Variants in PTGER3 observed in about 807,000 individuals in gnomAD.
PTGER3 encodes prostaglandin E receptor 3.
Under a neutral mutation model 34.7 loss-of-function variants are expected in PTGER3, and 22 were observed. That is an observed-to-expected ratio of 0.63 (90% confidence interval 0.45 to 0.91). PTGER3 has a LOEUF of 0.91. Ranked by LOEUF, PTGER3 falls within the 40% of genes least tolerant of loss-of-function variation. The probability of loss-of-function intolerance (pLI) is 0.00; values close to 1 mark genes in which losing one functional copy is unlikely to be tolerated. For missense variants in PTGER3, 468 were observed against 519.4 expected (o/e 0.90, Z 0.96); for synonymous variants, 241 against 230.1 (o/e 1.05, Z -0.43).
chr1:70,953,699 T>C, intron 3 of PTGER3: 5 of 1,536,938 alleles, frequency 3.3e-6, no homozygotes, highest in Non-Finnish European at 4.4e-6. Flanking sequence ...ACAGTACAGT[T>C]GGCAGAAAGT....
At chr1:70,954,489 A>G (rs1278684975) in intron 2 of PTGER3, among the ~76,000 whole-genome samples, 4 of 152,316 alleles carry the variant, frequency 2.6e-5, no homozygotes, top group South Asian at 2.1e-4. Context: ...CAGTCTTAAC[A>G]TAGTCTCCTC....
At chr1:70,935,254 T>C (rs182297224) in intron 4 of PTGER3, among the ~76,000 whole-genome samples, 8 of 152,326 alleles carry the variant, frequency 5.3e-5, no homozygotes, top group East Asian at 1.9e-4. Flanking sequence ...AATGCTTTTT[T>C]CCTACACATT....
intron 2 of PTGER3, among the ~76,000 whole-genome samples, chr1:71,005,007 AG>A (rs763553787): frequency 3.3e-5 from 5 of 152,240 alleles, no homozygotes; most frequent in African/African-American, 4.8e-5. Context: ...CTTGCTTTTA[AG>A]GAGTGGTTCC....
downstream of PTGER3, among the ~76,000 whole-genome samples, chr1:70,966,095 G>A (rs960941156): frequency 1.6e-4 from 24 of 152,128 alleles, no homozygotes; most frequent in African/African-American, 5.8e-4. Flanking sequence ...TTTCTGTAAA[G>A]AGAACACTAT....
downstream of PTGER3, chr1:70,950,652 C>T (rs534530596): frequency 6.6e-6 from 1 of 152,242 alleles, no homozygotes; most frequent in African/African-American, 2.4e-5. Flanking sequence ...ATAAATATGC[C>T]TCTCCTTTTA....
At chr1:70,862,470 G>C in intron 4 of PTGER3, 1 of 887,214 alleles carries the variant, frequency 1.1e-6, no homozygotes, top group South Asian at 1.3e-5. Context: ...TGAAGTGAAT[G>C]GATAATTTGG....
Position 71,047,645 on chromosome 1 carries a change from G to T in PTGER3, c.-68C>A. ...AGCGGGAGGGGGCAGACGCGGCGCG[G>T]GCGGCGGCGGAGGTCGGCGTTTACC... is the stretch of plus-strand genomic sequence containing the variant. On this transcript the variant is annotated 5_prime_UTR_variant, in exon 1 of 4. Coordinates refer to ENST00000306666, the MANE Select transcript of PTGER3 (RefSeq NM_198719.2). 1 of 1,446,366 alleles carries T rather than the reference G, an allele frequency of 6.9e-7. No homozygotes were observed. Among genetic ancestry groups the T allele is most frequent in the East Asian group, 2.5e-5 (1 of 39,630 alleles). The allele number at this position is 1,446,366 out of a possible 1,614,324, so 89.6% of individuals were successfully genotyped here. A position where few individuals can be genotyped will look rare whatever the true frequency, so the allele number is the denominator to read the frequency against.
At chr1:70,982,849 T>C (rs1434745572) in intron 2 of PTGER3, among the ~76,000 whole-genome samples, 2 of 152,170 alleles carry the variant, frequency 1.3e-5, no homozygotes, top group Non-Finnish European at 2.9e-5. Flanking sequence ...GACTCATAAA[T>C]AGGTGATAGA....
intron 4 of PTGER3, among the ~76,000 whole-genome samples, chr1:70,925,554 G>T (rs1001041694): frequency 6.6e-6 from 1 of 152,102 alleles, no homozygotes; most frequent in Non-Finnish European, 1.5e-5. Flanking sequence ...AATCATTTTT[G>T]ATGTAGTCAC....
At chr1:70,852,765 T>C (rs1209441725) in exon 5 of PTGER3, 1 of 1,550,820 alleles carries the variant, frequency 6.4e-7, no homozygotes, top group Non-Finnish European at 8.9e-7. Flanking sequence ...TGGGTGTTTC[T>C]GTGATTTTTT....
chr1:70,868,058 A>G (rs1232358388), intron 4 of PTGER3, among the ~76,000 whole-genome samples: 1 of 152,176 alleles, frequency 6.6e-6, no homozygotes. Flanking sequence ...TAAGCAAAAC[A>G]TACAGGGTTA....
At chr1:71,003,064 A>G (rs183879145) in intron 2 of PTGER3, among the ~76,000 whole-genome samples, 2 of 152,356 alleles carry the variant, frequency 1.3e-5, no homozygotes, top group Non-Finnish European at 2.9e-5. Context: ...AGACAAATGC[A>G]AAAATACATG....
intron 4 of PTGER3, among the ~76,000 whole-genome samples, chr1:70,894,035 T>C (rs963851117): frequency 6.6e-6 from 1 of 152,152 alleles, no homozygotes; most frequent in Non-Finnish European, 1.5e-5. Context: ...AGGTGGGACA[T>C]GGTGGCTCAC....
At chr1:70,990,498 T>C (rs775196120) in intron 2 of PTGER3, among the ~76,000 whole-genome samples, 13 of 151,022 alleles carry the variant, frequency 8.6e-5, no homozygotes, top group Non-Finnish European at 1.3e-4. Flanking sequence ...TTTATATACA[T>C]GTATGTATGT....
At chr1:71,008,147 T>C (rs1438752422) in intron 2 of PTGER3, 1 of 971,772 alleles carries the variant, frequency 1.0e-6, no homozygotes. Flanking sequence ...ATAAGCACAG[T>C]AGAGTCAAGG....
chr1:70,895,235 G>C (rs1225952765), intron 4 of PTGER3, among the ~76,000 whole-genome samples: 1 of 152,126 alleles, frequency 6.6e-6, no homozygotes, highest in Non-Finnish European at 1.5e-5. Context: ...TATTTGACAA[G>C]TGATAGTCCA....
intron 2 of PTGER3, among the ~76,000 whole-genome samples, chr1:70,990,758 G>C (rs1655400931): frequency 6.6e-6 from 1 of 151,942 alleles, no homozygotes; most frequent in Non-Finnish European, 1.5e-5. Flanking sequence ...GATTATACAG[G>C]TATGAGCAAC....
intron 1 of PTGER3, among the ~76,000 whole-genome samples, chr1:71,045,928 C>T (rs1660739164): frequency 6.6e-6 from 1 of 151,448 alleles, no homozygotes; most frequent in Admixed American, 6.6e-5. Flanking sequence ...TCAGAAGCTG[C>T]AGGAGGGCTG....
chr1:71,005,928 C>T lies in PTGER3; in HGVS notation c.1077+6377G>A, dbSNP rs1367357749. Reference sequence around the variant, plus strand: ...TTGTACATATTCGCAGGGCACAGAGCGATGTTTCGATACATATAATGTATA... The same window carrying T: ...TTGTACATATTCGCAGGGCACAGAGTGATGTTTCGATACATATAATGTATA... On this transcript the variant is annotated intron_variant, in intron 2 of 3. Transcript: ENST00000306666. 11 of 694,738 alleles carry T rather than the reference C, an allele frequency of 1.6e-5. No homozygotes were observed. The South Asian group carries it at 2.6e-4, about 16-fold the overall frequency. 43.0% of individuals were successfully genotyped at this position (694,738 alleles called of 1,614,324 possible).
Sources: allele counts gnomAD v4.1 joint callset (sites outside exome capture counted in the v4.1 genomes callset), GRCh38; gene constraint gnomAD v4.1.1; transcripts MANE v1.5; gene names NCBI Gene and HGNC (gene_info 2026-07-23, HGNC 2026-07-21).